The following ARID1B variants were observed in gnomAD, a reference collection of about 807,000 sequenced individuals.
The protein encoded by ARID1B is AT-rich interactive domain-containing protein 1B.
ARID1B carries 30 observed loss-of-function variants against 212.3 expected under a neutral mutation model. The observed-to-expected ratio is 0.14, with a 90% confidence interval of 0.11 to 0.19. The LOEUF (loss-of-function observed/expected upper bound fraction) is 0.19. ARID1B is among the 10% of genes least tolerant of loss of function. The pLI, the probability that ARID1B is intolerant of heterozygous loss-of-function variation, is 1.00. For missense variants in ARID1B, 2,891 were observed against 3,204.0 expected, an observed-to-expected ratio of 0.90 and a Z score of 2.36; for synonymous variants, 1,402 against 1,301.7, an observed-to-expected ratio of 1.08 and a Z score of -1.66.
chr6:157,180,916 C>G lies in ARID1B; in HGVS notation c.3505-53C>G. On this transcript the variant is annotated intron_variant, in intron 11 of 19. Transcript: ENST00000636930. ...CATTACTTTTTTCTCACCTTCTTCC[C>G]TCTCCCTCTGCCCACCCATGCCCCA... is the stretch of plus-strand genomic sequence containing the variant. 5 of 1,513,594 alleles carry G rather than the reference C, an allele frequency of 3.3e-6. 1 individual carries two copies. Among genetic ancestry groups the G allele is most frequent in the Non-Finnish European group, 4.5e-6 (5 of 1,099,562 alleles). The allele number at this position is 1,513,594 out of a possible 1,614,324, so 93.8% of individuals were successfully genotyped here.
chr6:157,032,620 AAAGAT>A (rs1282198028), intron 4 of ARID1B, among the ~76,000 whole-genome samples: 2 of 152,202 alleles, frequency 1.3e-5, no homozygotes, highest in Non-Finnish European at 2.9e-5. Flanking sequence ...TGCTACCTTG[AAAGAT>A]AAGATGTTTA....
chr6:157,139,621 C>G (rs1000472381), intron 7 of ARID1B, among the ~76,000 whole-genome samples: 1 of 151,844 alleles, frequency 6.6e-6, no homozygotes, highest in African/African-American at 2.4e-5. Context: ...TCGGTTCTTA[C>G]CATAGAGACT....
chr6:156,867,513 G>A (rs1349804202), intron 2 of ARID1B, among the ~76,000 whole-genome samples: 4 of 152,100 alleles, frequency 2.6e-5, no homozygotes, highest in African/African-American at 9.7e-5. Flanking sequence ...TGGGATATTT[G>A]ATCCTTTATT....
At chr6:156,938,066 C>T (rs1582989816) in intron 4 of ARID1B, 1 of 151,914 alleles carries the variant, frequency 6.6e-6, no homozygotes, top group African/African-American at 2.4e-5. Flanking sequence ...ACCTAAAACC[C>T]CCAATCTGTT....
intron 4 of ARID1B, among the ~76,000 whole-genome samples, chr6:157,005,187 T>C (rs2128440987): frequency 6.6e-6 from 1 of 151,942 alleles, no homozygotes; most frequent in African/African-American, 2.4e-5. Context: ...GGAGTCTCGC[T>C]CTGTCGCCCA....
intron 3 of ARID1B, among the ~76,000 whole-genome samples, chr6:156,904,172 C>G (rs1006630085): frequency 6.6e-6 from 1 of 152,022 alleles, no homozygotes; most frequent in African/African-American, 2.4e-5. Flanking sequence ...AGCACAATAC[C>G]ATACTTTTAT....
intron 4 of ARID1B, among the ~76,000 whole-genome samples, chr6:156,972,343 G>T (rs1256478614): frequency 6.6e-6 from 1 of 152,160 alleles, no homozygotes; most frequent in Non-Finnish European, 1.5e-5. Context: ...AAAGGCCCAG[G>T]GGTGTCCAGT....
intron 3 of ARID1B, among the ~76,000 whole-genome samples, chr6:156,932,744 C>T (rs1791850403): frequency 6.6e-6 from 1 of 152,030 alleles, no homozygotes; most frequent in African/African-American, 2.4e-5. Flanking sequence ...CTTTATAGTC[C>T]CACTGTAAGT....
In ARID1B at chr6:157,200,115, T is replaced by TGTGG. The variant is rs1793995437; in HGVS notation, c.4480-589_4480-586dup. 6.6e-6 allele frequency among the ~76,000 whole-genome samples: 1 copy of TGTGG among 152,030 alleles called. No homozygotes were observed. Among genetic ancestry groups the TGTGG allele is most frequent in the Non-Finnish European group, 1.5e-5 (1 of 67,998 alleles). ...CCTGGGAAGCAAGCTTAATAACAGGTGTGGTCCCAGCCCTGTCCTCAGTGC... is the reference window on the plus strand; with the variant it reads ...CCTGGGAAGCAAGCTTAATAACAGGTGTGGGTGGTCCCAGCCCTGTCCTCAGTGC... On this transcript the variant is annotated intron_variant, in intron 17 of 19. Transcript: ENST00000636930. This position sits in a 1 kb window ranked among gnomAD's most constrained non-coding sequence, Gnocchi z 4.3.
chr6:157,152,523 A>G (rs1583412222), intron 8 of ARID1B: 2 of 152,332 alleles, frequency 1.3e-5, no homozygotes, highest in Middle Eastern at 3.4e-3. Context: ...TGTCTACACT[A>G]TTCTTTCTAA....
intron 2 of ARID1B, among the ~76,000 whole-genome samples, chr6:156,874,399 G>A (rs1035198909): frequency 3.3e-5 from 5 of 152,152 alleles, no homozygotes; most frequent in African/African-American, 1.2e-4. Context: ...TGGAGTAGGG[G>A]CCCTGACTCT....
chr6:157,101,096 C>T (rs1304160094), intron 5 of ARID1B, among the ~76,000 whole-genome samples: 1 of 152,158 alleles, frequency 6.6e-6, no homozygotes, highest in African/African-American at 2.4e-5. Context: ...TTGGATGCAG[C>T]AGCAGAATTG....
At chr6:156,978,274 T>C (rs1777388000) in intron 4 of ARID1B, among the ~76,000 whole-genome samples, 1 of 152,232 alleles carries the variant, frequency 6.6e-6, no homozygotes, top group Admixed American at 6.5e-5. Context: ...GGCAGTTTGC[T>C]GGGGCAGTCA....
chr6:157,188,856 T>G (rs1793162933), intron 13 of ARID1B, among the ~76,000 whole-genome samples: 1 of 152,222 alleles, frequency 6.6e-6, no homozygotes, highest in Non-Finnish European at 1.5e-5. Context: ...GTTACGTTTT[T>G]CCCTCAAGGT....
chr6:157,130,860 C>T (rs1056965258), intron 6 of ARID1B, among the ~76,000 whole-genome samples: 6 of 152,208 alleles, frequency 3.9e-5, no homozygotes, highest in African/African-American at 1.2e-4. Flanking sequence ...CACCTGGTAA[C>T]GTGGGCCCCT....
chr6:156,986,686 A>G (rs1187192133), intron 4 of ARID1B, among the ~76,000 whole-genome samples: 1 of 152,192 alleles, frequency 6.6e-6, no homozygotes, highest in Non-Finnish European at 1.5e-5. Flanking sequence ...GACTATTATT[A>G]TTAAAGAGCT....
chr6:157,210,289 G>A lies in ARID1B; in HGVS notation c.*2398G>A, dbSNP rs1178975357. The A allele has an allele frequency of 4.3e-6, 1 of 230,822 alleles. No homozygotes were observed. The highest frequency in any genetic ancestry group is 2.2e-5 in the African/African-American group (1 of 45,152). The allele number at this position is 230,822 out of a possible 1,614,324, so 14.3% of individuals were successfully genotyped here. ...TTCAAATATGGAGATTTGTAAGAGG[G>A]AATTCAATATTATTCTAATTTCTCT... is the stretch of plus-strand genomic sequence containing the variant. On this transcript the variant is annotated 3_prime_UTR_variant, in exon 20 of 20. Coordinates refer to ENST00000636930, the MANE Select transcript of ARID1B (RefSeq NM_001374828.1).
chr6:157,039,731 C>CTTTCTTT (rs1781683385), intron 4 of ARID1B, among the ~76,000 whole-genome samples: 1 of 58,616 alleles, frequency 1.7e-5, no homozygotes, highest in African/African-American at 7.0e-5. Context: ...TTCTTTCTTT[C>CTTTCTTT]CCTCCCTCCC....
chr6:157,061,330 G>T (rs1288125462), intron 4 of ARID1B, among the ~76,000 whole-genome samples: 1 of 152,190 alleles, frequency 6.6e-6, no homozygotes, highest in African/African-American at 2.4e-5. Flanking sequence ...AAGCGGTGAA[G>T]ATAGAGTTAC....
Sources: gnomAD v4.1 joint callset for allele counts (sites outside exome capture counted in the v4.1 genomes callset) on GRCh38, gnomAD v4.1.1 for gene constraint, Gnocchi (gnomAD v3.1) non-coding constraint, MANE v1.5 for transcripts, NCBI Gene and HGNC (gene_info 2026-07-23, HGNC 2026-07-21) for gene names.